The following MAGI2 variants were observed in gnomAD, a reference collection of about 807,000 sequenced individuals.
The protein encoded by MAGI2 is membrane-associated guanylate kinase, WW and PDZ domain-containing protein 2.
In MAGI2, 35 loss-of-function variants were observed where a neutral mutation model predicts 133.3. That is an observed-to-expected ratio of 0.26 (90% confidence interval 0.20 to 0.35). The LOEUF (loss-of-function observed/expected upper bound fraction) is 0.35. Among genes scored for constraint, MAGI2 ranks in the 10% least tolerant of loss-of-function variants. The pLI is 1.00. For synonymous variants in MAGI2, 729 were observed against 710.6 expected (o/e 1.03, Z -0.41); for missense variants, 1,636 against 1,863.4 (o/e 0.88, Z 2.25).
chr7:78,460,679 A>G (rs908037998), intron 6 of MAGI2, among the ~76,000 whole-genome samples: 5 of 152,196 alleles, frequency 3.3e-5, no homozygotes, highest in Admixed American at 2.0e-4. Flanking sequence ...CATTTCTTGG[A>G]ACGCAGGATG....
chr7:79,156,261 C>A (rs1348395876), intron 1 of MAGI2, among the ~76,000 whole-genome samples: 4 of 152,136 alleles, frequency 2.6e-5, no homozygotes, highest in African/African-American at 9.7e-5. Flanking sequence ...AAACATGTTT[C>A]TTTGCCATAT....
chr7:79,195,888 C>T (rs1374434082), intron 1 of MAGI2, among the ~76,000 whole-genome samples: 1 of 151,782 alleles, frequency 6.6e-6, no homozygotes, highest in African/African-American at 2.4e-5. Context: ...TGCATGATCT[C>T]ACTCATATGT....
intron 2 of MAGI2, among the ~76,000 whole-genome samples, chr7:78,737,372 G>A (rs1821962710): frequency 6.6e-6 from 1 of 152,086 alleles, no homozygotes; most frequent in Admixed American, 6.5e-5. Flanking sequence ...ATACACCATT[G>A]GAATTAAATT....
intron 3 of MAGI2, among the ~76,000 whole-genome samples, chr7:78,524,229 G>A (rs1240953146): frequency 1.3e-5 from 2 of 152,168 alleles, no homozygotes; most frequent in Non-Finnish European, 2.9e-5. Flanking sequence ...CGGGTAGAAA[G>A]AGCCTCTCCC....
intron 2 of MAGI2, among the ~76,000 whole-genome samples, chr7:78,821,487 G>A (rs1464863732): frequency 2.0e-5 from 3 of 151,856 alleles, no homozygotes; most frequent in African/African-American, 2.4e-5. Flanking sequence ...GAAAACACAC[G>A]TTTTAAATGC....
At chr7:79,208,045 A>G (rs1829204176) in intron 1 of MAGI2, among the ~76,000 whole-genome samples, 1 of 152,154 alleles carries the variant, frequency 6.6e-6, no homozygotes, top group Non-Finnish European at 1.5e-5. Context: ...CTAAAAATGG[A>G]TTAAAGATTT....
At chr7:78,432,756 T>C (rs1799920215) in intron 6 of MAGI2, among the ~76,000 whole-genome samples, 1 of 152,036 alleles carries the variant, frequency 6.6e-6, no homozygotes, top group Non-Finnish European at 1.5e-5. Flanking sequence ...TTGTGCCATA[T>C]AGTTTAAAAA....
intron 2 of MAGI2, among the ~76,000 whole-genome samples, chr7:78,932,552 A>G (rs1800218376): frequency 6.6e-6 from 1 of 152,136 alleles, no homozygotes; most frequent in Non-Finnish European, 1.5e-5. Flanking sequence ...TAAGGTCTCA[A>G]TCATGTATTG....
At chr7:79,121,091 T>C (rs1319871885) in intron 1 of MAGI2, among the ~76,000 whole-genome samples, 1 of 152,104 alleles carries the variant, frequency 6.6e-6, no homozygotes, top group African/African-American at 2.4e-5. Flanking sequence ...GCTTTTAATG[T>C]CAATTAGTAA....
Position 78,343,799 on chromosome 7 carries a change from G to T in MAGI2, c.1387C>A (p.Gln463Lys). ...KSVIPDGPAAQDGKMETGDVI... is the reference protein window; with the variant it reads ...KSVIPDGPAAKDGKMETGDVI... ...TTACCTGTTTCCATTTTTCCATCCT[G>T]TGCTGCAGGCCCATCCGGAATCACA... The change falls in exon 9 of 22, where the codon CAG (glutamine) becomes AAG (lysine). Residue 463 changes from glutamine to lysine, a missense_variant. Around this residue, in one of 5 missense-constraint regions of MAGI2, gnomAD observed 920 missense variants for 1,093.5 expected, o/e 0.84. Transcript: ENST00000354212. 1 of 1,590,208 alleles carries T rather than the reference G, an allele frequency of 6.3e-7. No individual in the cohort carries two copies. Among genetic ancestry groups the T allele is most frequent in the South Asian group, 1.2e-5 (1 of 86,802 alleles).
At position 78,020,019 on chromosome 7, in the gene MAGI2, A is replaced by G. The variant is rs376780641; in HGVS notation, c.3707-43T>C. ...AGGCGTTAGCAGTGGCGCACGCAGG[A>G]CGTCCCCGTGCCCTCTCTACGCCGG... On this transcript the variant is annotated intron_variant, in intron 21 of 21. Coordinates refer to ENST00000354212, the MANE Select transcript of MAGI2 (RefSeq NM_012301.4). 5.2e-6 allele frequency: 8 copies of G among 1,531,706 alleles called. No homozygotes were observed. In the African/African-American group the frequency reaches 1.1e-4, roughly 21 times the overall value. The allele number at this position is 1,531,706 out of a possible 1,614,324, so 94.9% of individuals were successfully genotyped here.
intron 10 of MAGI2, among the ~76,000 whole-genome samples, chr7:78,202,572 A>G (rs2150764115): frequency 6.7e-6 from 1 of 148,770 alleles, no homozygotes; most frequent in South Asian, 2.1e-4. Flanking sequence ...AATCCCAGCT[A>G]CTTGGGAGGC....
At position 79,336,923 on chromosome 7, in the gene MAGI2, A is replaced by G. The variant is rs143740985; in HGVS notation, c.301+116097T>C. Among the ~76,000 whole-genome samples the G allele has an allele frequency of 3.1e-3, 465 of 152,212 alleles. 4 individuals carry two copies. Among genetic ancestry groups the G allele is most frequent in the African/African-American group, 1.0e-2 (415 of 41,540 alleles). On this transcript the variant is annotated intron_variant, in intron 1 of 21. Transcript: ENST00000354212. ...AACAAATCTAGAGATCTAACACACA[A>G]CATGAGGACTAGAGTAAATAAAATT...
chr7:79,438,660 C>A (rs1216744966), intron 1 of MAGI2, among the ~76,000 whole-genome samples: 1 of 152,076 alleles, frequency 6.6e-6, no homozygotes, highest in Non-Finnish European at 1.5e-5. Context: ...AGTGCCTCCC[C>A]TTCACCACTA....
rs555786071 is a variant in MAGI2, at chr7:79,443,359, TG to T, written c.301+9660del. On this transcript the variant is annotated intron_variant, in intron 1 of 21. Coordinates refer to ENST00000354212, the MANE Select transcript of MAGI2 (RefSeq NM_012301.4). ...GATGCAGAACAAATTTGTTGTTCAC[TG>T]GGGTGACTCCCACACTAGACTGAAG... Among the ~76,000 whole-genome samples the T allele has an allele frequency of 3.0e-3, 460 of 151,674 alleles. 4 individuals are homozygous for T. Among genetic ancestry groups the T allele is most frequent in the African/African-American group, 1.0e-2 (411 of 41,300 alleles).
At chr7:78,900,308 T>G (rs1241053403) in intron 2 of MAGI2, among the ~76,000 whole-genome samples, 1 of 152,198 alleles carries the variant, frequency 6.6e-6, no homozygotes, top group Non-Finnish European at 1.5e-5. Flanking sequence ...TTCTTATTCT[T>G]ACTCTCGAAA....
chr7:79,294,954 G>T (rs1293774094), intron 1 of MAGI2, among the ~76,000 whole-genome samples: 1 of 151,220 alleles, frequency 6.6e-6, no homozygotes, highest in Non-Finnish European at 1.5e-5. Context: ...TAGCCACGAT[G>T]GTCTCGATCT....
Position 79,351,587 on chromosome 7 carries a change from A to G in MAGI2, c.301+101433T>C, listed in dbSNP as rs117086925. On this transcript the variant is annotated intron_variant, in intron 1 of 21. Coordinates refer to ENST00000354212, the MANE Select transcript of MAGI2 (RefSeq NM_012301.4). Reference sequence around the variant, plus strand: ...TTATTATAGTATGTCAGATGTATCAATCTAGGTTGAAGTAGATTATTTTAA... The same window carrying G: ...TTATTATAGTATGTCAGATGTATCAGTCTAGGTTGAAGTAGATTATTTTAA... Among the ~76,000 whole-genome samples the G allele has an allele frequency of 3.6e-3, 551 of 152,332 alleles. 5 individuals carry two copies. The highest frequency in any genetic ancestry group is 6.5e-3 in the Non-Finnish European group (443 of 68,022).
In MAGI2 at chr7:78,019,686, C is replaced by T. The variant is rs2151030819; in HGVS notation, c.3997G>A (p.Gly1333Ser). The T allele has an allele frequency of 6.8e-7, 1 of 1,477,128 alleles. No individual in the cohort carries two copies. Among genetic ancestry groups the T allele is most frequent in the South Asian group, 1.3e-5 (1 of 77,096 alleles). 91.5% of individuals were successfully genotyped at this position (1,477,128 alleles called of 1,614,324 possible). A position where few individuals can be genotyped will look rare whatever the true frequency, so the allele number is the denominator to read the frequency against. The part of the protein sequence containing the change: ...AARPRLEEAP[G>S]GQGRPEAGRP... ...CCGGCCTCGGGCCGCCCCTGGCCGC[C>T]GGGCGCCTCCTCGAGCCTCGGCCGC... The change falls in exon 22 of 22, where the codon GGC (glycine) becomes AGC (serine). Residue 1333 changes from glycine (G) to serine (S), a missense_variant. Coordinates refer to ENST00000354212, the MANE Select transcript of MAGI2 (RefSeq NM_012301.4).
Sources: gnomAD v4.1 joint callset for allele counts (sites outside exome capture counted in the v4.1 genomes callset) on GRCh38, gnomAD v4.1.1 for gene constraint, gnomAD v4.1.1 regional missense constraint, MANE v1.5 for transcripts, NCBI Gene and HGNC (gene_info 2026-07-23, HGNC 2026-07-21) for gene names.